The following SPMIP4 variants were observed in gnomAD, a reference collection of about 807,000 sequenced individuals.
SPMIP4 encodes sperm microtubule inner protein 4, also known as sperm-associated microtubule inner protein 4.
chr7:25,136,881 C>T, the SPMIP4 span: 2 of 1,312,810 alleles, frequency 1.5e-6, no homozygotes, highest in African/African-American at 2.9e-5. The surrounding 1 kb of genome is among the most constrained non-coding windows in gnomAD (Gnocchi z 5.7). Context: ...TTTTCATTGT[C>T]TGAGTACACG....
At chr7:25,136,600 T>C in the SPMIP4 span, 4 of 1,614,104 alleles carry the variant, frequency 2.5e-6, no homozygotes, top group South Asian at 1.1e-5. The surrounding 1 kb of genome is among the most constrained non-coding windows in gnomAD (Gnocchi z 5.7). Flanking sequence ...TGGTATGTTA[T>C]CACTAAGTGC....
At chr7:25,167,717 A>C in the SPMIP4 span, among the ~76,000 whole-genome samples, 1 of 152,216 alleles carries the variant, frequency 6.6e-6, no homozygotes, top group Non-Finnish European at 1.5e-5. Flanking sequence ...AAGCAGGAGG[A>C]AGCAGGCTCT....
the SPMIP4 span, among the ~76,000 whole-genome samples, chr7:25,166,230 C>CTTT: frequency 5.9e-4 from 41 of 69,270 alleles, 3 homozygotes; most frequent in Middle Eastern, 9.1e-3. Context: ...TTCTTTCCGT[C>CTTT]TTCTTTTTTT....
the SPMIP4 span, chr7:25,135,543 G>A: frequency 1.0e-6 from 1 of 974,516 alleles, no homozygotes; most frequent in Non-Finnish European, 1.2e-6. Context: ...TTACATAAAG[G>A]GACAGTGTTC....
chr7:25,177,056 C>A, the SPMIP4 span, among the ~76,000 whole-genome samples: 2 of 152,114 alleles, frequency 1.3e-5, no homozygotes. Flanking sequence ...GAGGGAAGAA[C>A]CAGAATCAGC....
the SPMIP4 span, among the ~76,000 whole-genome samples, chr7:25,133,054 G>A: frequency 6.6e-6 from 1 of 152,128 alleles, no homozygotes; most frequent in African/African-American, 2.4e-5. Flanking sequence ...AAAATTCATA[G>A]GAAAATTGGC....
chr7:25,151,548 A>T, the SPMIP4 span: 2 of 1,228,956 alleles, frequency 1.6e-6, no homozygotes. Flanking sequence ...GTATTGACTA[A>T]AAATATTTGT....
chr7:25,147,277 GAAC>G, the SPMIP4 span, among the ~76,000 whole-genome samples: 1 of 152,168 alleles, frequency 6.6e-6, no homozygotes, highest in Non-Finnish European at 1.5e-5. Context: ...CTGGGTGACA[GAAC>G]AAGACTCCAT....
the SPMIP4 span, among the ~76,000 whole-genome samples, chr7:25,138,125 T>G: frequency 6.6e-6 from 1 of 152,108 alleles, no homozygotes; most frequent in Non-Finnish European, 1.5e-5. The surrounding 1 kb of genome is among the most constrained non-coding windows in gnomAD (Gnocchi z 6.2). Flanking sequence ...CTGGAGAATA[T>G]GTAATGATAA....
At chr7:25,165,273 T>C in the SPMIP4 span, among the ~76,000 whole-genome samples, 1 of 152,188 alleles carries the variant, frequency 6.6e-6, no homozygotes, top group Admixed American at 6.5e-5. Flanking sequence ...TTATTTCATA[T>C]AGGATGCATT....
the SPMIP4 span, among the ~76,000 whole-genome samples, chr7:25,166,750 TG>T: frequency 6.6e-6 from 1 of 151,126 alleles, no homozygotes; most frequent in Non-Finnish European, 1.5e-5. Flanking sequence ...CAAAATTAGC[TG>T]GGCGTGGTGG....
chr7:25,163,270 A>G, the SPMIP4 span, among the ~76,000 whole-genome samples: 1 of 152,232 alleles, frequency 6.6e-6, no homozygotes, highest in African/African-American at 2.4e-5. This position sits in a 1 kb window ranked among gnomAD's most constrained non-coding sequence, Gnocchi z 4.4. Context: ...TATGTGTGGA[A>G]TCACTGGATA....
chr7:25,163,618 C>A, the SPMIP4 span, among the ~76,000 whole-genome samples: 2 of 152,194 alleles, frequency 1.3e-5, no homozygotes. This position sits in a 1 kb window ranked among gnomAD's most constrained non-coding sequence, Gnocchi z 4.4. Flanking sequence ...GTGACATGAA[C>A]TTCCCTCACT....
At chr7:25,129,297 G>C in the SPMIP4 span, among the ~76,000 whole-genome samples, 1 of 152,224 alleles carries the variant, frequency 6.6e-6, no homozygotes, top group South Asian at 2.1e-4. Flanking sequence ...GGGCCTGCTA[G>C]AACTCAGGTT....
At chr7:25,126,584 C>T in the SPMIP4 span, among the ~76,000 whole-genome samples, 6 of 152,278 alleles carry the variant, frequency 3.9e-5, no homozygotes, top group Admixed American at 2.0e-4. Context: ...TTTAACTTCA[C>T]TCTCCCCACT....
At chr7:25,153,311 C>A in the SPMIP4 span, among the ~76,000 whole-genome samples, 2 of 151,998 alleles carry the variant, frequency 1.3e-5, no homozygotes, top group Non-Finnish European at 2.9e-5. Context: ...TGCCTGTAAT[C>A]CCAGCACTTT....
chr7:25,164,956 T>A, the SPMIP4 span, among the ~76,000 whole-genome samples: 1 of 152,232 alleles, frequency 6.6e-6, no homozygotes, highest in East Asian at 1.9e-4. Flanking sequence ...ATGCCATTAT[T>A]TCATTTCTTT....
At chr7:25,143,781 A>G in the SPMIP4 span, among the ~76,000 whole-genome samples, 1 of 152,088 alleles carries the variant, frequency 6.6e-6, no homozygotes, top group Non-Finnish European at 1.5e-5. Flanking sequence ...TACTTTTTGT[A>G]GAGACAGGGT....
At chr7:25,146,899 A>G in the SPMIP4 span, among the ~76,000 whole-genome samples, 1 of 152,246 alleles carries the variant, frequency 6.6e-6, no homozygotes, top group African/African-American at 2.4e-5. Context: ...CTATTCTCAT[A>G]TCCTAAAAGC....
Sources: allele counts gnomAD v4.1 joint callset (sites outside exome capture counted in the v4.1 genomes callset), GRCh38; gene constraint gnomAD v4.1.1; non-coding constraint Gnocchi (gnomAD v3.1); transcripts MANE v1.5; gene names NCBI Gene and HGNC (gene_info 2026-07-23, HGNC 2026-07-21).